ARFIP1: variants seen among roughly 807,000 people sequenced by gnomAD.
ARFIP1 encodes ARF interacting protein 1.
A neutral mutation model predicts 42.5 loss-of-function variants in ARFIP1; 24 were observed. The observed-to-expected ratio is 0.57, with a 90% confidence interval of 0.41 to 0.80. ARFIP1 has a LOEUF of 0.80. Ranked by LOEUF, ARFIP1 falls within the 30% of genes least tolerant of loss-of-function variation. ARFIP1 has a pLI of 0.00. For synonymous variants in ARFIP1, 141 were observed against 153.7 expected, an observed-to-expected ratio of 0.92 and a Z score of 0.61; for missense variants, 354 against 434.0, an observed-to-expected ratio of 0.82 and a Z score of 1.64.
At chr4:152,850,585 C>T (rs181054676) in intron 2 of ARFIP1, 2 of 152,148 alleles carry the variant, frequency 1.3e-5, no homozygotes, top group African/African-American at 2.4e-5. Flanking sequence ...GACTAAGGAT[C>T]GCCTGCATCA....
At chr4:152,793,451 T>G (rs1012403876) in intron 1 of ARFIP1, among the ~76,000 whole-genome samples, 3 of 151,810 alleles carry the variant, frequency 2.0e-5, no homozygotes, top group Non-Finnish European at 4.4e-5. Context: ...ATGATAATGA[T>G]GTACAGTGGT....
rs374308876 is a variant in ARFIP1 at position 152,910,201 on chromosome 4, T to C, written c.1104T>C (p.Ser368=). 2 of 1,613,262 alleles carry C rather than the reference T, an allele frequency of 1.2e-6. No homozygotes were observed. Among genetic ancestry groups the C allele is most frequent in the African/African-American group, 2.7e-5 (2 of 74,880 alleles). The change falls in exon 9 of 9, where the codon TCT becomes TCC. Residue 368 remains serine (S), a synonymous_variant. Transcript: ENST00000353617. Reference sequence around the variant, plus strand: ...AAACCCCTGGAGTGGATGCCCCATCTTGGCTTGAAGAACAGTAAAATCACA... The same window carrying C: ...AAACCCCTGGAGTGGATGCCCCATCCTGGCTTGAAGAACAGTAAAATCACA... The part of the protein sequence containing the change: ...KLKTPGVDAP[S]WLEEQ
intron 8 of ARFIP1, among the ~76,000 whole-genome samples, chr4:152,907,753 C>T (rs114385930): frequency 4.6e-5 from 7 of 152,120 alleles, no homozygotes; most frequent in African/African-American, 7.2e-5. Flanking sequence ...ATCCCCATTG[C>T]GTTGAGAGAC....
chr4:152,801,072 T>C (rs1474500476), intron 1 of ARFIP1, among the ~76,000 whole-genome samples: 1 of 152,058 alleles, frequency 6.6e-6, no homozygotes, highest in Non-Finnish European at 1.5e-5. Flanking sequence ...GGATTTTGAG[T>C]GTCAAGCTGA....
At chr4:152,810,993 T>G (rs924534049) in intron 1 of ARFIP1, among the ~76,000 whole-genome samples, 2 of 151,994 alleles carry the variant, frequency 1.3e-5, no homozygotes, top group Non-Finnish European at 2.9e-5. Flanking sequence ...TTTTCCTGCC[T>G]CTGGATTCAG....
intron 8 of ARFIP1, among the ~76,000 whole-genome samples, chr4:152,898,696 G>A (rs1167198635): frequency 1.3e-5 from 2 of 152,106 alleles, no homozygotes; most frequent in Non-Finnish European, 2.9e-5. Flanking sequence ...GTTAGTGTGG[G>A]CTCAAAGTAC....
At chr4:152,897,121 G>C (rs1295339560) in intron 8 of ARFIP1, among the ~76,000 whole-genome samples, 1 of 152,134 alleles carries the variant, frequency 6.6e-6, no homozygotes, top group Non-Finnish European at 1.5e-5. Flanking sequence ...TTAGAAATGA[G>C]GCAGAAATTA....
At chr4:152,828,294 T>G (rs1425494288) in intron 1 of ARFIP1, among the ~76,000 whole-genome samples, 1 of 152,238 alleles carries the variant, frequency 6.6e-6, no homozygotes, top group East Asian at 1.9e-4. Flanking sequence ...CAAACTCTGT[T>G]TCATAGTGGC....
In ARFIP1 at chr4:152,838,515, A is replaced by AT. The variant is rs200563311; in HGVS notation, c.93+8796dup. 4.4e-3 allele frequency among the ~76,000 whole-genome samples: 672 copies of AT among 151,826 alleles called. 4 individuals carry two copies. Among genetic ancestry groups the AT allele is most frequent in the African/African-American group, 0.015 (628 of 41,454 alleles). ...TCCTTCATTAAGTATATTCCGAAGT[A>AT]TTTTTTTATTATTATTTTTTGCAGC... On this transcript the variant is annotated intron_variant, in intron 2 of 8. Coordinates refer to ENST00000353617, the MANE Select transcript of ARFIP1 (RefSeq NM_001025595.3).
At chr4:152,848,271 G>C (rs1732719717) in intron 2 of ARFIP1, among the ~76,000 whole-genome samples, 1 of 152,144 alleles carries the variant, frequency 6.6e-6, no homozygotes, top group Non-Finnish European at 1.5e-5. Context: ...CCAGGGTTTG[G>C]TAACAGTTTT....
intron 8 of ARFIP1, among the ~76,000 whole-genome samples, chr4:152,894,163 G>A (rs960905545): frequency 1.2e-4 from 18 of 149,202 alleles, no homozygotes; most frequent in African/African-American, 2.7e-4. Context: ...AGCCGAGATC[G>A]CGCCACTACA....
At chr4:152,831,443 TTTC>T (rs370742676) in intron 2 of ARFIP1, among the ~76,000 whole-genome samples, 6 of 152,168 alleles carry the variant, frequency 3.9e-5, no homozygotes, top group Non-Finnish European at 7.4e-5. Context: ...GCCTATTTTT[TTTC>T]TTCTTCTTCT....
At chr4:152,854,057 C>T (rs2149868957) in intron 2 of ARFIP1, among the ~76,000 whole-genome samples, 1 of 152,014 alleles carries the variant, frequency 6.6e-6, no homozygotes, top group Non-Finnish European at 1.5e-5. Flanking sequence ...GGATTACAGG[C>T]ACGTGCCACC....
chr4:152,805,191 A>G (rs1419238106), intron 1 of ARFIP1, among the ~76,000 whole-genome samples: 1 of 152,252 alleles, frequency 6.6e-6, no homozygotes, highest in African/African-American at 2.4e-5. Context: ...AAAAGCATTC[A>G]TAAAGATATT....
intron 2 of ARFIP1, among the ~76,000 whole-genome samples, chr4:152,860,906 A>T (rs1036492229): frequency 6.6e-6 from 1 of 152,218 alleles, no homozygotes; most frequent in Non-Finnish European, 1.5e-5. Context: ...TAGACAGTAG[A>T]AGGTAAGTAT....
In ARFIP1 at chr4:152,829,673, C is replaced by T. The variant is rs1561127602; in HGVS notation, c.40C>T (p.Pro14Ser). The change falls in exon 2 of 9, where the codon CCA becomes TCA. Residue 14 changes from proline to serine, a missense_variant. Transcript: ENST00000353617. ...ESPKNSAAEIPVTSNGEVDDS... is the reference protein window; with the variant it reads ...ESPKNSAAEISVTSNGEVDDS... ...TCCCAAAAATTCAGCAGCAGAAATT[C>T]CAGTGACTAGTAATGGAGAAGTTGA... is the stretch of plus-strand genomic sequence containing the variant. 4 of 1,610,840 alleles carry T rather than the reference C, an allele frequency of 2.5e-6. No homozygotes were observed. The highest frequency in any genetic ancestry group is 1.1e-5 in the South Asian group (1 of 90,870).
intron 5 of ARFIP1, among the ~76,000 whole-genome samples, chr4:152,873,630 T>G (rs1735077262): frequency 6.6e-6 from 1 of 152,162 alleles, no homozygotes; most frequent in Non-Finnish European, 1.5e-5. Flanking sequence ...AGTCAGTCGT[T>G]AAGTCCTATG....
chr4:152,810,253 T>A (rs1428809695), intron 1 of ARFIP1: 3 of 152,254 alleles, frequency 2.0e-5, no homozygotes, highest in African/African-American at 7.2e-5. Flanking sequence ...TAAAGCTGGC[T>A]TGTACTGCCT....
chr4:152,888,212 GAGCAGTCAC>G lies in ARFIP1; in HGVS notation c.876_884del (p.Gln292_Gln294del). ...TGACGCAAACACTCTGCCAAAGATTGAGCAGTCACAGCATCTCTTCCAAGCACATAAGGA... is the reference window on the plus strand; with the variant it reads ...TGACGCAAACACTCTGCCAAAGATTGAGCATCTCTTCCAAGCACATAAGGA... On this transcript the variant is annotated inframe_deletion, in exon 8 of 9. Coordinates refer to ENST00000353617, the MANE Select transcript of ARFIP1 (RefSeq NM_001025595.3). 1 of 1,612,244 alleles carries G rather than the reference GAGCAGTCAC, an allele frequency of 6.2e-7. No homozygotes were observed. The highest frequency in any genetic ancestry group is 8.5e-7 in the Non-Finnish European group (1 of 1,178,996).
Sources: allele counts gnomAD v4.1 joint callset (sites outside exome capture counted in the v4.1 genomes callset), GRCh38; gene constraint gnomAD v4.1.1; transcripts MANE v1.5; gene names NCBI Gene and HGNC (gene_info 2026-07-23, HGNC 2026-07-21).